The following KHDRBS3 variants were observed in gnomAD, a reference collection of about 807,000 sequenced individuals.
KHDRBS3 encodes the protein KH RNA binding domain containing, signal transduction associated 3.
A neutral mutation model predicts 45.6 loss-of-function variants in KHDRBS3; 23 were observed. That is an observed-to-expected ratio of 0.50 (90% CI 0.36 to 0.72). KHDRBS3 has a LOEUF of 0.72. Ranked by LOEUF, KHDRBS3 falls within the 30% of genes least tolerant of loss-of-function variation. The pLI, the probability that KHDRBS3 is intolerant of heterozygous loss-of-function variation, is 0.00. For synonymous variants in KHDRBS3, 162 were observed against 156.5 expected (o/e 1.04, Z -0.26); for missense variants, 352 against 424.8 (o/e 0.83, Z 1.51).
At chr8:135,608,646 T>A (rs1829574367) in intron 7 of KHDRBS3, among the ~76,000 whole-genome samples, 1 of 152,216 alleles carries the variant, frequency 6.6e-6, no homozygotes, top group South Asian at 2.1e-4. Context: ...TTCTGTTAGT[T>A]CTGTTCCCGT....
exon 5 of KHDRBS3, chr8:135,656,364 T>C (rs2131227273): frequency 6.6e-6 from 1 of 152,348 alleles, no homozygotes; most frequent in Non-Finnish European, 1.5e-5. Context: ...GTGACATGTT[T>C]TTATTATATG....
intron 5 of KHDRBS3, among the ~76,000 whole-genome samples, chr8:135,577,962 G>A (rs1432400729): frequency 1.3e-5 from 2 of 152,126 alleles, no homozygotes; most frequent in Admixed American, 1.3e-4. Context: ...CACTTTTGTT[G>A]TAGTTTGAAT....
chr8:135,552,393 T>G (rs983697349), intron 4 of KHDRBS3, among the ~76,000 whole-genome samples: 1 of 152,188 alleles, frequency 6.6e-6, no homozygotes, highest in African/African-American at 2.4e-5. Flanking sequence ...ATAGCTGTTA[T>G]TGAACTCCTC....
At chr8:135,464,916 G>A (rs949354211) in intron 1 of KHDRBS3, among the ~76,000 whole-genome samples, 3 of 152,212 alleles carry the variant, frequency 2.0e-5, no homozygotes, top group Non-Finnish European at 4.4e-5. Context: ...AGAGGTGGAA[G>A]CTTTGAGTAT....
chr8:135,550,310 T>TC (rs1271976624), intron 4 of KHDRBS3, among the ~76,000 whole-genome samples: 1 of 152,176 alleles, frequency 6.6e-6, no homozygotes, highest in Non-Finnish European at 1.5e-5. Flanking sequence ...GCCAAAAAAG[T>TC]CTTTGCCTAA....
At chr8:135,592,321 G>A (rs755542106) in intron 6 of KHDRBS3, among the ~76,000 whole-genome samples, 2 of 151,470 alleles carry the variant, frequency 1.3e-5, no homozygotes, top group Non-Finnish European at 2.9e-5. Flanking sequence ...GCTCTAAAAT[G>A]AAAATGTCAT....
chr8:135,574,219 G>A lies in KHDRBS3; in HGVS notation c.612-7659G>A, dbSNP rs113255508. Among the ~76,000 whole-genome samples, 626 of 108,332 alleles carry A rather than the reference G, an allele frequency of 5.8e-3. 12 individuals are homozygous for A. The highest frequency in any genetic ancestry group is 0.017 in the African/African-American group (569 of 33,278). 71.1% of individuals were successfully genotyped at this position (108,332 alleles called of 152,430 possible). A position where few individuals can be genotyped will look rare whatever the true frequency, so the allele number is the denominator to read the frequency against. On this transcript the variant is annotated intron_variant, in intron 5 of 8. Transcript: ENST00000355849. Reference sequence around the variant, plus strand: ...CACGTCACCTCCATCATGTTAGCACGTCACCTCCATCATGTTAGCACGTCA... The same window carrying A: ...CACGTCACCTCCATCATGTTAGCACATCACCTCCATCATGTTAGCACGTCA...
At chr8:135,488,710 T>A (rs1822990720) in intron 1 of KHDRBS3, among the ~76,000 whole-genome samples, 1 of 152,216 alleles carries the variant, frequency 6.6e-6, no homozygotes, top group Non-Finnish European at 1.5e-5. Context: ...GTCTGGCTGT[T>A]ACCAGAAGCA....
At chr8:135,480,863 T>G (rs1822528716) in intron 1 of KHDRBS3, among the ~76,000 whole-genome samples, 1 of 152,114 alleles carries the variant, frequency 6.6e-6, no homozygotes, top group Non-Finnish European at 1.5e-5. Flanking sequence ...ATCATATTGT[T>G]AACTGATTCT....
At chr8:135,597,047 A>T (rs939019226) in intron 6 of KHDRBS3, among the ~76,000 whole-genome samples, 1 of 152,166 alleles carries the variant, frequency 6.6e-6, no homozygotes, top group Non-Finnish European at 1.5e-5. Flanking sequence ...ATTAGATGTA[A>T]TTAGATATTT....
intron 6 of KHDRBS3, among the ~76,000 whole-genome samples, chr8:135,583,881 G>A (rs937675536): frequency 1.3e-5 from 2 of 152,132 alleles, no homozygotes; most frequent in Non-Finnish European, 1.5e-5. Context: ...AAAAGCAAAA[G>A]CAAGAGACAT....
chr8:135,545,532 G>A (rs78029777), intron 3 of KHDRBS3, among the ~76,000 whole-genome samples: 8,738 of 152,242 alleles, frequency 0.057, 324 homozygotes, highest in African/African-American at 0.1. Flanking sequence ...CATCTGTATT[G>A]TTATTCAGCC....
At chr8:135,598,871 G>A (rs186159858) in intron 6 of KHDRBS3, among the ~76,000 whole-genome samples, 14 of 152,148 alleles carry the variant, frequency 9.2e-5, no homozygotes, top group Admixed American at 5.2e-4. Context: ...AGTTATTATC[G>A]CAATTAAAGT....
intron 3 of KHDRBS3, among the ~76,000 whole-genome samples, chr8:135,545,387 G>T (rs1360102700): frequency 6.6e-6 from 1 of 152,174 alleles, no homozygotes; most frequent in Non-Finnish European, 1.5e-5. Flanking sequence ...GGAAGGCTCT[G>T]TGGCATTTCA....
At position 135,481,250 on chromosome 8, in the gene KHDRBS3, A is replaced by ATATATATATATATATATATATATATATT. The variant is rs1285436029; in HGVS notation, c.88+23297_88+23298insATATATATATATATATATATATATATTT. On this transcript the variant is annotated intron_variant, in intron 1 of 8. Coordinates refer to ENST00000355849, the MANE Select transcript of KHDRBS3 (RefSeq NM_006558.3). Reference sequence around the variant, plus strand: ...TATATATATATATATATATATATATATTTAATGTAAGCCTTCTGTGTACTT... The same window carrying ATATATATATATATATATATATATATATT: ...TATATATATATATATATATATATATATATATATATATATATATATATATATATTTTTAATGTAAGCCTTCTGTGTACTT... 8.3e-4 allele frequency among the ~76,000 whole-genome samples: 104 copies of ATATATATATATATATATATATATATATT among 125,482 alleles called. 2 individuals are homozygous for ATATATATATATATATATATATATATATT. Among genetic ancestry groups the ATATATATATATATATATATATATATATT allele is most frequent in the Non-Finnish European group, 1.0e-3 (62 of 61,772 alleles). 82.3% of individuals were successfully genotyped at this position (125,482 alleles called of 152,430 possible). A position where few individuals can be genotyped will look rare whatever the true frequency, so the allele number is the denominator to read the frequency against.
At chr8:135,584,506 C>T (rs1828370071) in intron 6 of KHDRBS3, among the ~76,000 whole-genome samples, 1 of 152,224 alleles carries the variant, frequency 6.6e-6, no homozygotes, top group Admixed American at 6.5e-5. Context: ...TCTATTATTC[C>T]TGGCAGTGCC....
chr8:135,561,860 A>G (rs556820337), intron 5 of KHDRBS3, among the ~76,000 whole-genome samples: 8 of 152,292 alleles, frequency 5.3e-5, no homozygotes, highest in Admixed American at 5.2e-4. Flanking sequence ...AGCTTAAAAA[A>G]TAATTTTAAA....
intron 7 of KHDRBS3, 81 bp from the exon 8 acceptor site, chr8:135,644,978 A>C (rs1370677123): frequency 6.9e-7 from 1 of 1,444,784 alleles, no homozygotes; most frequent in East Asian, 2.3e-5. Context: ...GTTGTCTTTA[A>C]GTTTTACAAT....
chr8:135,569,634 C>G (rs545793322), intron 5 of KHDRBS3, among the ~76,000 whole-genome samples: 90 of 152,206 alleles, frequency 5.9e-4, no homozygotes, highest in Middle Eastern at 3.4e-3. Context: ...TATATTTAAC[C>G]TACTGTAGAA....
Sources: gnomAD v4.1 joint callset for allele counts (sites outside exome capture counted in the v4.1 genomes callset) on GRCh38, gnomAD v4.1.1 for gene constraint, MANE v1.5 for transcripts, NCBI Gene and HGNC (gene_info 2026-07-23, HGNC 2026-07-21) for gene names.